The following CAMK1D variants were observed in gnomAD, a reference collection of about 807,000 sequenced individuals.
The protein encoded by CAMK1D is calcium/calmodulin-dependent protein kinase type 1D.
In CAMK1D, 9 loss-of-function variants were observed where a neutral mutation model predicts 47.7. That is an observed-to-expected ratio of 0.19 (90% CI 0.11 to 0.33). The LOEUF is 0.33. CAMK1D is among the 10% of genes least tolerant of loss of function. The probability of loss-of-function intolerance (pLI) is 1.00; values close to 1 mark genes in which losing one functional copy is unlikely to be tolerated. For synonymous variants in CAMK1D, 184 were observed against 184.9 expected (o/e 0.99, Z 0.04); for missense variants, 291 against 488.7 (o/e 0.60, Z 3.81).
chr10:12,698,375 T>C (rs779183638), intron 3 of CAMK1D, among the ~76,000 whole-genome samples: 7 of 152,242 alleles, frequency 4.6e-5, no homozygotes, highest in Non-Finnish European at 7.3e-5. Context: ...CACATTTTTA[T>C]AACCTCGTTT....
intron 4 of CAMK1D, among the ~76,000 whole-genome samples, chr10:12,767,065 CCCTCACAGGTG>C (rs1440954686): frequency 2.0e-5 from 3 of 152,200 alleles, no homozygotes; most frequent in African/African-American, 7.2e-5. Flanking sequence ...CCAGTGAATA[CCCTCACAGGTG>C]CCTCTGCTGC....
In CAMK1D at chr10:12,831,839, T is replaced by G. The variant is rs972041085; in HGVS notation, c.*2952T>G. The G allele has an allele frequency of 8.5e-5, 13 of 152,234 alleles. No individual in the cohort carries two copies. Among genetic ancestry groups the G allele is most frequent in the African/African-American group, 3.1e-4 (13 of 41,458 alleles). The allele number at this position is 152,234 out of a possible 1,614,324, so 9.4% of individuals were successfully genotyped here. ...TCTCATGTTAAAAAGAGGTTGTCTT[T>G]GCACTGCGCTTGGTATGATTTGTTT... On this transcript the variant is annotated 3_prime_UTR_variant, in exon 11 of 11. Transcript: ENST00000619168.
chr10:12,466,064 T>A (rs1833578941), intron 1 of CAMK1D, among the ~76,000 whole-genome samples: 1 of 152,108 alleles, frequency 6.6e-6, no homozygotes, highest in Non-Finnish European at 1.5e-5. Context: ...ATGCTTATAA[T>A]CCCAGCTGCT....
At chr10:12,557,525 C>G (rs1371265220) in intron 2 of CAMK1D, among the ~76,000 whole-genome samples, 1 of 144,758 alleles carries the variant, frequency 6.9e-6, no homozygotes, top group African/African-American at 2.6e-5. Context: ...GCACTCCAGC[C>G]TGGGCGACAG....
chr10:12,429,127 CG>C (rs755625862), intron 1 of CAMK1D, among the ~76,000 whole-genome samples: 245 of 152,298 alleles, frequency 1.6e-3, no homozygotes, highest in Non-Finnish European at 2.4e-3. Context: ...CCTCCCTCAT[CG>C]CCCACCCCTG....
Position 12,427,341 on chromosome 10 carries a change from GC to G in CAMK1D, c.92+77434del, listed in dbSNP as rs1397840569. Among the ~76,000 whole-genome samples the G allele has an allele frequency of 7.2e-5, 11 of 152,348 alleles. No homozygotes were observed. In the East Asian group the frequency reaches 1.9e-3, roughly 27 times the overall value. ...AGTCCTGGAGCCATGGCAGGTGGCT[GC>G]CCAGAGGGAAGTGGGGTGCGGGGAC... On this transcript the variant is annotated intron_variant, in intron 1 of 10. Transcript: ENST00000619168.
intron 3 of CAMK1D, among the ~76,000 whole-genome samples, chr10:12,669,736 G>A (rs6602605): frequency 0.076 from 11,551 of 151,996 alleles, 735 homozygotes; most frequent in African/African-American, 0.17. Context: ...CTTTACTTAT[G>A]AGAGATTATT....
intron 3 of CAMK1D, among the ~76,000 whole-genome samples, chr10:12,714,872 A>C (rs529119366): frequency 6.6e-6 from 1 of 150,830 alleles, no homozygotes; most frequent in African/African-American, 2.4e-5. Flanking sequence ...CTACCTATTT[A>C]TGGGGTATAT....
chr10:12,407,916 G>A (rs1839503430), intron 1 of CAMK1D, among the ~76,000 whole-genome samples: 1 of 146,268 alleles, frequency 6.8e-6, no homozygotes, highest in African/African-American at 2.6e-5. Context: ...GGAGTGCAGT[G>A]GTGCAATCTT....
chr10:12,535,014 T>C (rs1835924591), intron 1 of CAMK1D, among the ~76,000 whole-genome samples: 1 of 152,076 alleles, frequency 6.6e-6, no homozygotes, highest in South Asian at 2.1e-4. Flanking sequence ...AGGAAACAGG[T>C]TTGGTGAGCA....
At chr10:12,610,317 C>G (rs1434199510) in intron 2 of CAMK1D, among the ~76,000 whole-genome samples, 1 of 152,136 alleles carries the variant, frequency 6.6e-6, no homozygotes, top group Admixed American at 6.6e-5. Context: ...CTGTATCATT[C>G]ATTTAAACAG....
At chr10:12,509,057 T>A (rs11257842) in intron 1 of CAMK1D, among the ~76,000 whole-genome samples, 1 of 151,976 alleles carries the variant, frequency 6.6e-6, no homozygotes, top group Non-Finnish European at 1.5e-5. Flanking sequence ...GACAGAGTCT[T>A]GACCATTCAC....
At chr10:12,760,849 C>T in intron 3 of CAMK1D, 99 bp from the exon 4 acceptor site, 1 of 1,338,390 alleles carries the variant, frequency 7.5e-7, no homozygotes, top group Non-Finnish European at 1.0e-6. Context: ...AAGATGGATT[C>T]ATTTTTGCAA....
At chr10:12,355,799 G>A (rs539108398) in intron 1 of CAMK1D, among the ~76,000 whole-genome samples, 3 of 152,240 alleles carry the variant, frequency 2.0e-5, no homozygotes, top group South Asian at 2.1e-4. Flanking sequence ...TCTAGGCACC[G>A]AGGAGACGGC....
chr10:12,806,760 A>G (rs996015408), intron 6 of CAMK1D, among the ~76,000 whole-genome samples: 1 of 152,204 alleles, frequency 6.6e-6, no homozygotes, highest in African/African-American at 2.4e-5. Context: ...TGGCACACAA[A>G]AAGAAGTGGA....
intron 1 of CAMK1D, among the ~76,000 whole-genome samples, chr10:12,401,137 TTATATATATATTTTA>T (rs1409434062): frequency 1.4e-5 from 1 of 68,966 alleles, no homozygotes; most frequent in Non-Finnish European, 2.5e-5. Context: ...ATTATATATA[TTATATATATATTTTA>T]TATATATATA....
chr10:12,786,973 A>G (rs1347088041), intron 5 of CAMK1D, among the ~76,000 whole-genome samples: 3 of 152,182 alleles, frequency 2.0e-5, no homozygotes, highest in African/African-American at 7.2e-5. Context: ...AAATACAAAA[A>G]GTAGTCAGGC....
intron 1 of CAMK1D, among the ~76,000 whole-genome samples, chr10:12,494,934 A>C (rs1588553006): frequency 6.6e-6 from 1 of 152,094 alleles, no homozygotes; most frequent in Non-Finnish European, 1.5e-5. Context: ...TGAGTATCTC[A>C]TTGTTTTGGA....
At chr10:12,447,514 C>A (rs555179114) in intron 1 of CAMK1D, among the ~76,000 whole-genome samples, 2 of 152,118 alleles carry the variant, frequency 1.3e-5, no homozygotes, top group Non-Finnish European at 2.9e-5. Flanking sequence ...ACAGCCTGGG[C>A]TACATAGCAA....
Sources: gnomAD v4.1 joint callset for allele counts (sites outside exome capture counted in the v4.1 genomes callset) on GRCh38, gnomAD v4.1.1 for gene constraint, MANE v1.5 for transcripts, NCBI Gene and HGNC (gene_info 2026-07-23, HGNC 2026-07-21) for gene names.